Variants in ADGRB3 observed in about 807,000 individuals in gnomAD.
The protein encoded by ADGRB3 is adhesion G protein-coupled receptor B3, also known as brain-specific angiogenesis inhibitor 3.
Under a neutral mutation model 193.4 loss-of-function variants are expected in ADGRB3, and 37 were observed. The ratio of observed to expected loss-of-function variants is 0.19; its 90% CI spans 0.15 to 0.25. The LOEUF is 0.25. ADGRB3 is among the 10% of genes least tolerant of loss of function. The pLI, the probability that ADGRB3 is intolerant of heterozygous loss-of-function variation, is 1.00. For missense variants in ADGRB3, 1,637 were observed against 1,852.9 expected, an observed-to-expected ratio of 0.88 and a Z score of 2.14; for synonymous variants, 690 against 644.2, an observed-to-expected ratio of 1.07 and a Z score of -1.08.
At chr6:68,997,405 G>A (rs1769416142) in intron 11 of ADGRB3, among the ~76,000 whole-genome samples, 1 of 150,406 alleles carries the variant, frequency 6.6e-6, no homozygotes, top group African/African-American at 2.5e-5. Flanking sequence ...CACTTTGGGA[G>A]GTCAAGGCAG....
intron 20 of ADGRB3, among the ~76,000 whole-genome samples, chr6:69,242,313 G>GATCA (rs1298696667): frequency 6.6e-6 from 1 of 151,972 alleles, no homozygotes; most frequent in East Asian, 1.9e-4. Context: ...CTTCTGTGGG[G>GATCA]ATTTTTTAAT....
intron 3 of ADGRB3, among the ~76,000 whole-genome samples, chr6:68,680,309 G>GA (rs893015697): frequency 4.7e-5 from 7 of 150,410 alleles, no homozygotes; most frequent in African/African-American, 9.8e-5. Context: ...TTAAGGAACA[G>GA]AAAAAAAAAG....
intron 8 of ADGRB3, among the ~76,000 whole-genome samples, chr6:68,970,919 T>C (rs944623486): frequency 5.3e-5 from 8 of 152,156 alleles, no homozygotes; most frequent in Admixed American, 5.2e-4. Context: ...GGGAACAAGA[T>C]TGTAGTACCA....
chr6:68,651,832 C>T (rs1768373407), intron 3 of ADGRB3, among the ~76,000 whole-genome samples: 1 of 152,148 alleles, frequency 6.6e-6, no homozygotes, highest in Non-Finnish European at 1.5e-5. Context: ...TGAAAAACCA[C>T]TGCAGAACTA....
intron 5 of ADGRB3, among the ~76,000 whole-genome samples, chr6:68,936,902 T>C (rs1041981153): frequency 4.2e-4 from 64 of 152,244 alleles, no homozygotes; most frequent in African/African-American, 1.5e-3. Context: ...ACTGCAAATA[T>C]CAGTTTCTAA....
chr6:69,169,983 G>A (rs1455018349), intron 17 of ADGRB3, among the ~76,000 whole-genome samples: 2 of 152,106 alleles, frequency 1.3e-5, no homozygotes, highest in Non-Finnish European at 2.9e-5. Context: ...ATTCTACCAC[G>A]AAGTCAGATC....
chr6:69,300,500 C>T (rs1402105871), intron 20 of ADGRB3, among the ~76,000 whole-genome samples: 2 of 151,624 alleles, frequency 1.3e-5, no homozygotes, highest in Non-Finnish European at 3.0e-5. Flanking sequence ...TAAAGGACTT[C>T]CAAATTGGAA....
chr6:68,889,408 C>G (rs1766007793), intron 3 of ADGRB3, among the ~76,000 whole-genome samples: 1 of 152,088 alleles, frequency 6.6e-6, no homozygotes, highest in African/African-American at 2.4e-5. Context: ...ACAGTGGCAC[C>G]TAATGAAATT....
At chr6:68,690,885 TG>T in intron 3 of ADGRB3, among the ~76,000 whole-genome samples, 1 of 152,162 alleles carries the variant, frequency 6.6e-6, no homozygotes, top group Non-Finnish European at 1.5e-5. Context: ...GAACACATTT[TG>T]GGTTGCAGTT....
chr6:68,763,789 G>A (rs907830077), intron 3 of ADGRB3, among the ~76,000 whole-genome samples: 1 of 151,936 alleles, frequency 6.6e-6, no homozygotes, highest in East Asian at 1.9e-4. Context: ...AGGCCGGTGC[G>A]GTGGCGGTGG....
chr6:69,264,735 G>T (rs776699549), intron 20 of ADGRB3, among the ~76,000 whole-genome samples: 2 of 151,766 alleles, frequency 1.3e-5, no homozygotes, highest in Non-Finnish European at 2.9e-5. Flanking sequence ...GAAATGAATT[G>T]TAATGAGAGT....
intron 3 of ADGRB3, among the ~76,000 whole-genome samples, chr6:68,681,705 A>T (rs1394598380): frequency 1.3e-5 from 2 of 150,216 alleles, no homozygotes. Flanking sequence ...CAAGCAAATC[A>T]TAACAACATC....
At chr6:68,674,823 G>T (rs886329038) in intron 3 of ADGRB3, among the ~76,000 whole-genome samples, 1 of 152,126 alleles carries the variant, frequency 6.6e-6, no homozygotes, top group Non-Finnish European at 1.5e-5. Flanking sequence ...TTAAGTAAAA[G>T]AGGCAAAATT....
At chr6:68,808,790 A>G (rs541634772) in intron 3 of ADGRB3, among the ~76,000 whole-genome samples, 59 of 152,148 alleles carry the variant, frequency 3.9e-4, no homozygotes, top group Non-Finnish European at 7.6e-4. Flanking sequence ...AATAAAGATT[A>G]CTAAGTGAAT....
intron 10 of ADGRB3, among the ~76,000 whole-genome samples, chr6:68,979,169 T>C (rs1420530459): frequency 6.6e-6 from 1 of 151,408 alleles, no homozygotes; most frequent in East Asian, 1.9e-4. Context: ...AAGCATATAC[T>C]ATTAATAAAT....
intron 3 of ADGRB3, among the ~76,000 whole-genome samples, chr6:68,758,019 G>T (rs745973855): frequency 6.6e-6 from 1 of 152,024 alleles, no homozygotes; most frequent in Non-Finnish European, 1.5e-5. Context: ...AAGCACCACA[G>T]TGAAAGTCTA....
intron 3 of ADGRB3, among the ~76,000 whole-genome samples, chr6:68,758,736 T>G (rs757658179): frequency 3.9e-4 from 60 of 152,136 alleles, no homozygotes; most frequent in Admixed American, 2.4e-3. Flanking sequence ...TGATTAAATA[T>G]TCCTCCCATA....
chr6:69,249,806 G>T (rs1254612283), intron 20 of ADGRB3, among the ~76,000 whole-genome samples: 1 of 152,250 alleles, frequency 6.6e-6, no homozygotes, highest in East Asian at 1.9e-4. Context: ...TACTTCTTTT[G>T]TGGTAGCTAG....
chr6:68,870,235 G>GT (rs1765419106), intron 3 of ADGRB3, among the ~76,000 whole-genome samples: 1 of 152,190 alleles, frequency 6.6e-6, no homozygotes, highest in Non-Finnish European at 1.5e-5. Flanking sequence ...TTATAGATGA[G>GT]TAATAGGGCA....
Sources: gnomAD v4.1 joint callset for allele counts (sites outside exome capture counted in the v4.1 genomes callset) on GRCh38, gnomAD v4.1.1 for gene constraint, MANE v1.5 for transcripts, NCBI Gene and HGNC (gene_info 2026-07-23, HGNC 2026-07-21) for gene names.